Variants in GMNC observed in about 807,000 individuals in gnomAD.
GMNC encodes geminin coiled-coil domain-containing protein 1.
Under a neutral mutation model 33.6 loss-of-function variants are expected in GMNC, and 16 were observed. The observed-to-expected ratio is 0.48, with a 90% CI of 0.32 to 0.72. The LOEUF (loss-of-function observed/expected upper bound fraction) is 0.72, where lower values mean the gene tolerates loss of function less well. GMNC is among the 30% of genes least tolerant of loss of function. The pLI is 0.03. For synonymous variants in GMNC, 156 were observed against 147.3 expected (o/e 1.06, Z -0.43); for missense variants, 393 against 388.9 (o/e 1.01, Z -0.09).
In GMNC at chr3:190,853,583, G is replaced by A. The variant is rs970710272; in HGVS notation, c.*1712C>T. ...GCAACAACCAAACAGAAACAACAAT[G>A]AAAGGCATGTCTCTGTTACAAAGAA... is the stretch of plus-strand genomic sequence containing the variant. On this transcript the variant is annotated 3_prime_UTR_variant, in exon 5 of 5. Transcript: ENST00000442080. 2.6e-5 allele frequency: 4 copies of A among 151,968 alleles called. No individual in the cohort carries two copies. The highest frequency in any genetic ancestry group is 9.7e-5 in the African/African-American group (4 of 41,388). 9.4% of individuals were successfully genotyped at this position (151,968 alleles called of 1,614,324 possible).
At chr3:190,859,070 T>C in intron 2 of GMNC, 54 bp from the exon 3 acceptor site, 1 of 1,061,872 alleles carries the variant, frequency 9.4e-7, no homozygotes, top group Non-Finnish European at 1.4e-6. Context: ...TTCTGTGTAA[T>C]AAAGAAACTT....
At chr3:190,850,210 G>C (rs930614409), downstream of GMNC, among the ~76,000 whole-genome samples, 12 of 152,160 alleles carry the variant, frequency 7.9e-5, no homozygotes, top group African/African-American at 2.9e-4. Context: ...GTAAGGAAAG[G>C]TTTAAGAGTT....
At position 190,854,493 on chromosome 3, in the gene GMNC, A is replaced by G. The variant is rs1415135693; in HGVS notation, c.*802T>C. ...TTTTCAGCAATAGGAGTTTGTCAGC[A>G]TCTGGGTAGTTGCAGATGATGACTA... On this transcript the variant is annotated 3_prime_UTR_variant, in exon 5 of 5. Transcript: ENST00000442080. 1 of 152,202 alleles carries G rather than the reference A, an allele frequency of 6.6e-6. No homozygotes were observed. Among genetic ancestry groups the G allele is most frequent in the African/African-American group, 2.4e-5 (1 of 41,456 alleles). The allele number at this position is 152,202 out of a possible 1,614,324, so 9.4% of individuals were successfully genotyped here. A position where few individuals can be genotyped will look rare whatever the true frequency, so the allele number is the denominator to read the frequency against.
chr3:190,846,327 G>A, the GMNC span, among the ~76,000 whole-genome samples: 1 of 152,090 alleles, frequency 6.6e-6, no homozygotes, highest in African/African-American at 2.4e-5. Context: ...TTCACAAATA[G>A]CCATACCATG....
the GMNC span, among the ~76,000 whole-genome samples, chr3:190,844,180 C>A: frequency 6.6e-6 from 1 of 152,098 alleles, no homozygotes; most frequent in African/African-American, 2.4e-5. Flanking sequence ...ATCACAGATT[C>A]ACCACCATGA....
In GMNC at chr3:190,861,860, G is replaced by A. The variant is rs1020034738; in HGVS notation, c.3+753C>T. Among the ~76,000 whole-genome samples the A allele has an allele frequency of 3.3e-5, 5 of 152,098 alleles. No individual in the cohort carries two copies. The highest frequency in any genetic ancestry group is 9.7e-5 in the African/African-American group (4 of 41,406). On this transcript the variant is annotated intron_variant, in intron 1 of 4. Transcript: ENST00000442080. This position sits in a 1 kb window ranked among gnomAD's most constrained non-coding sequence, Gnocchi z 5.1. ...TTTGTCAATGTTTAATCAGGTAAAAGCCATTCATTTTAGCAGAGCCCAGCT... is the reference window on the plus strand; with the variant it reads ...TTTGTCAATGTTTAATCAGGTAAAAACCATTCATTTTAGCAGAGCCCAGCT...
chr3:190,861,639 C>T lies in GMNC; in HGVS notation c.4-781G>A, dbSNP rs1208572097. Among the ~76,000 whole-genome samples, 9 of 152,192 alleles carry T rather than the reference C, an allele frequency of 5.9e-5. No homozygotes were observed. The highest frequency in any genetic ancestry group is 2.2e-4 in the African/African-American group (9 of 41,448). On this transcript the variant is annotated intron_variant, in intron 1 of 4. Coordinates refer to ENST00000442080, the MANE Select transcript of GMNC (RefSeq NM_001146686.3). This position sits in a 1 kb window ranked among gnomAD's most constrained non-coding sequence, Gnocchi z 5.1. ...CAAAGACAGCAAGCTCTAGTTCTGT[C>T]CATCACTAGGGCTCAGTGCCCCTCC... is the stretch of plus-strand genomic sequence containing the variant.
chr3:190,843,800 A>G, the GMNC span, among the ~76,000 whole-genome samples: 2 of 152,190 alleles, frequency 1.3e-5, no homozygotes, highest in East Asian at 3.8e-4. Context: ...GTATAAAAGG[A>G]CATCTTTCTC....
chr3:190,860,613 A>G, intron 2 of GMNC, 71 bp downstream of exon 2: 7 of 1,344,126 alleles, frequency 5.2e-6, no homozygotes, highest in Non-Finnish European at 7.1e-6. Flanking sequence ...GTCCCAGCCC[A>G]TGATGCTCCG....
chr3:190,856,588 T>C (rs1737752716), intron 4 of GMNC, among the ~76,000 whole-genome samples: 1 of 150,110 alleles, frequency 6.7e-6, no homozygotes, highest in African/African-American at 2.4e-5. Flanking sequence ...TATTATCTCA[T>C]TGGATATAGA....
chr3:190,847,208 C>T, the GMNC span, among the ~76,000 whole-genome samples: 6 of 152,238 alleles, frequency 3.9e-5, no homozygotes, highest in East Asian at 9.6e-4. Flanking sequence ...GGTTTGGTGA[C>T]AATAACCTAG....
At chr3:190,845,508 C>CT in the GMNC span, among the ~76,000 whole-genome samples, 3,798 of 125,716 alleles carry the variant, frequency 0.03, 110 homozygotes, top group African/African-American at 0.048. Flanking sequence ...ATTTTGAAAC[C>CT]TTTTTTTTTT....
chr3:190,850,739 G>A (rs550960647), downstream of GMNC, among the ~76,000 whole-genome samples: 5 of 152,220 alleles, frequency 3.3e-5, no homozygotes, highest in East Asian at 1.9e-4. Flanking sequence ...AGAAAATTCC[G>A]CAACAATAGT....
At position 190,861,772 on chromosome 3, in the gene GMNC, G is replaced by A. The variant is rs1737877033; in HGVS notation, c.3+841C>T. 6.6e-6 allele frequency among the ~76,000 whole-genome samples: 1 copy of A among 152,008 alleles called. No homozygotes were observed. Among genetic ancestry groups the A allele is most frequent in the Non-Finnish European group, 1.5e-5 (1 of 68,026 alleles). ...CCTCAAACACACAGTCTTTCCATAC[G>A]TCCAGGCAGGGGCAGGTATGCAGCC... On this transcript the variant is annotated intron_variant, in intron 1 of 4. Coordinates refer to ENST00000442080, the MANE Select transcript of GMNC (RefSeq NM_001146686.3). The surrounding 1 kb of genome is among the most constrained non-coding windows in gnomAD (Gnocchi z 5.1).
Position 190,861,771 on chromosome 3 carries a change from C to T in GMNC, c.3+842G>A, listed in dbSNP as rs1392640952. 6.6e-6 allele frequency among the ~76,000 whole-genome samples: 1 copy of T among 152,130 alleles called. No individual in the cohort carries two copies. Among genetic ancestry groups the T allele is most frequent in the East Asian group, 1.9e-4 (1 of 5,186 alleles). ...ACCTCAAACACACAGTCTTTCCATA[C>T]GTCCAGGCAGGGGCAGGTATGCAGC... On this transcript the variant is annotated intron_variant, in intron 1 of 4. Coordinates refer to ENST00000442080, the MANE Select transcript of GMNC (RefSeq NM_001146686.3). The surrounding 1 kb of genome is among the most constrained non-coding windows in gnomAD (Gnocchi z 5.1).
downstream of GMNC, among the ~76,000 whole-genome samples, chr3:190,850,282 T>C (rs1449697801): frequency 6.6e-6 from 1 of 152,234 alleles, no homozygotes; most frequent in African/African-American, 2.4e-5. Context: ...CTGTTGACTG[T>C]AAGCATATTT....
In GMNC at chr3:190,862,236, C is replaced by G. The variant is rs1371686373; in HGVS notation, c.3+377G>C. Among the ~76,000 whole-genome samples the G allele has an allele frequency of 6.6e-6, 1 of 151,942 alleles. No individual in the cohort carries two copies. The highest frequency in any genetic ancestry group is 2.4e-5 in the African/African-American group (1 of 41,338). On this transcript the variant is annotated intron_variant, in intron 1 of 4. Coordinates refer to ENST00000442080, the MANE Select transcript of GMNC (RefSeq NM_001146686.3). The surrounding 1 kb of genome is among the most constrained non-coding windows in gnomAD (Gnocchi z 4.5). ...TGAGAAGAAAACAAACTTCAAATAT[C>G]CCTAGACAAGTTCATGTCCAAGTGT...
rs149526885 is a variant in GMNC at position 190,861,429 on chromosome 3, A to ATCTGTCTG, written c.4-579_4-572dup. 6.6e-6 allele frequency among the ~76,000 whole-genome samples: 1 copy of ATCTGTCTG among 150,896 alleles called. No individual in the cohort carries two copies. The highest frequency in any genetic ancestry group is 1.5e-5 in the Non-Finnish European group (1 of 67,456). On this transcript the variant is annotated intron_variant, in intron 1 of 4. Transcript: ENST00000442080. This position sits in a 1 kb window ranked among gnomAD's most constrained non-coding sequence, Gnocchi z 5.1. ...CTGCTGGCTCATAGTCCATCAATCT[A>ATCTGTCTG]TCTGTCTGTCTGTCTGTCTGCCTAT...
At position 190,855,803 on chromosome 3, in the gene GMNC, G is replaced by C; in HGVS notation, c.497C>G (p.Ala166Gly). The C allele has an allele frequency of 6.4e-7, 1 of 1,551,384 alleles. No homozygotes were observed. Among genetic ancestry groups the C allele is most frequent in the Non-Finnish European group, 8.7e-7 (1 of 1,146,836 alleles). ...AAATTCACTAGAGAGGTTTCTTTTG[G>C]CATTTTTGGGATGGGGAATCTCAGC... is the stretch of plus-strand genomic sequence containing the variant. ...SPAEIPHPKNAKRNLSSEFAN... is the reference protein window; with the variant it reads ...SPAEIPHPKNGKRNLSSEFAN... Residue 166 changes from alanine to glycine, a missense_variant, in exon 5 of 5, where the codon GCC (alanine) becomes GGC (glycine). Transcript: ENST00000442080.
Sources: gnomAD v4.1 joint callset for allele counts (sites outside exome capture counted in the v4.1 genomes callset) on GRCh38, gnomAD v4.1.1 for gene constraint, Gnocchi (gnomAD v3.1) non-coding constraint, MANE v1.5 for transcripts, NCBI Gene and HGNC (gene_info 2026-07-23, HGNC 2026-07-21) for gene names.